TRIO: variants seen among roughly 807,000 people sequenced by gnomAD.
The protein encoded by TRIO is trio Rho guanine nucleotide exchange factor, also known as triple functional domain protein.
A neutral mutation model predicts 351.9 loss-of-function variants in TRIO; 58 were observed. The ratio of observed to expected loss-of-function variants is 0.16; its 90% confidence interval spans 0.13 to 0.21. The LOEUF is 0.21. Ranked by LOEUF, TRIO falls within the 10% of genes least tolerant of loss-of-function variation. The pLI, the probability that TRIO is intolerant of heterozygous loss-of-function variation, is 1.00. For missense variants in TRIO, 3,201 were observed against 4,027.8 expected (o/e 0.79, Z 5.56); for synonymous variants, 1,758 against 1,595.7 (o/e 1.10, Z -2.42).
intron 34 of TRIO, among the ~76,000 whole-genome samples, chr5:14,446,296 C>G (rs536478306): frequency 6.6e-6 from 1 of 152,160 alleles, no homozygotes; most frequent in South Asian, 2.1e-4. Context: ...ACTGGAGAGA[C>G]AGCGTTTGAA....
At chr5:14,303,631 G>A (rs572457361) in intron 7 of TRIO, among the ~76,000 whole-genome samples, 32 of 151,358 alleles carry the variant, frequency 2.1e-4, no homozygotes, top group Non-Finnish European at 4.0e-4. Context: ...TCCTGGAGAT[G>A]GAGGGTGGCA....
chr5:14,488,072 G>C lies in TRIO; in HGVS notation c.7444G>C (p.Gly2482Arg), dbSNP rs571329736. The C allele has an allele frequency of 1.1e-5, 17 of 1,610,162 alleles. No homozygotes were observed. The highest frequency in any genetic ancestry group is 4.0e-5 in the African/African-American group (3 of 74,982). Residue 2482 changes from glycine to arginine, a missense_variant, in exon 48 of 57, where the codon GGG becomes CGG. By Grantham distance (125) the Gly-to-Arg change is moderately radical. This residue lies in a region of TRIO where 1,089 missense variants were observed against 954.9 expected (regional missense o/e 1.14). Coordinates refer to ENST00000344204, the MANE Select transcript of TRIO (RefSeq NM_007118.4). ...CCCCCCCAGCAGCCCCCTGCAGAAG[G>C]GGGGCTCCTTCTGGAGCTCCATCCC... Reference protein sequence around the residue: ...PFPPSSPLQKGGSFWSSIPAS... With the variant: ...PFPPSSPLQKRGSFWSSIPAS...
intron 43 of TRIO, among the ~76,000 whole-genome samples, chr5:14,480,552 G>A (rs1280577064): frequency 6.6e-6 from 1 of 152,182 alleles, no homozygotes; most frequent in Non-Finnish European, 1.5e-5. Flanking sequence ...CCTTGATTGA[G>A]TTAAATTCTT....
intron 49 of TRIO, among the ~76,000 whole-genome samples, chr5:14,496,581 C>G (rs1056247142): frequency 6.6e-6 from 1 of 152,186 alleles, no homozygotes; most frequent in African/African-American, 2.4e-5. Flanking sequence ...ACAGGAATAC[C>G]CAGAATAATG....
chr5:14,496,229 A>G (rs570846402), intron 49 of TRIO, among the ~76,000 whole-genome samples: 22 of 152,334 alleles, frequency 1.4e-4, no homozygotes, highest in African/African-American at 5.3e-4. Context: ...CCAAAACTTG[A>G]TGTGGCTCAC....
intron 21 of TRIO, among the ~76,000 whole-genome samples, chr5:14,384,927 AAAG>A (rs149023294): frequency 0.016 from 2,462 of 152,374 alleles, 32 homozygotes; most frequent in Non-Finnish European, 0.027. Flanking sequence ...TAAGGAAAAA[AAAG>A]ACCAAGAAAA....
At chr5:14,277,382 G>A (rs1168634756) in intron 2 of TRIO, among the ~76,000 whole-genome samples, 1 of 152,210 alleles carries the variant, frequency 6.6e-6, no homozygotes, top group African/African-American at 2.4e-5. Context: ...ATTTGGATAA[G>A]CAGATAATCA....
In TRIO at chr5:14,472,482, G is replaced by T. The variant is rs565235051; in HGVS notation, c.5913-110G>T. ...ATTTAACACCTAAATGTACAAATTT[G>T]ATACATTACTATTCAGTCCTGGAAG... On this transcript the variant is annotated intron_variant, in intron 38 of 56. Transcript: ENST00000344204. 2.7e-5 allele frequency: 30 copies of T among 1,121,790 alleles called. No homozygotes were observed. In the South Asian group the frequency reaches 3.9e-4, roughly 15 times the overall value. 69.5% of individuals were successfully genotyped at this position (1,121,790 alleles called of 1,614,324 possible).
intron 1 of TRIO, among the ~76,000 whole-genome samples, chr5:14,163,172 C>A (rs1268664691): frequency 6.6e-6 from 1 of 152,270 alleles, no homozygotes; most frequent in South Asian, 2.1e-4. Flanking sequence ...CTTTGCCCCC[C>A]ATCCCTGGAC....
chr5:14,437,371 C>G (rs1751667990), intron 34 of TRIO, among the ~76,000 whole-genome samples: 1 of 152,146 alleles, frequency 6.6e-6, no homozygotes. Flanking sequence ...CCCCACCCAC[C>G]TCGGGGTGAT....
chr5:14,273,813 A>G (rs1305556501), intron 2 of TRIO, among the ~76,000 whole-genome samples: 1 of 152,198 alleles, frequency 6.6e-6, no homozygotes, highest in Non-Finnish European at 1.5e-5. Flanking sequence ...AGCCTTAGAA[A>G]ATCTCACACG....
chr5:14,481,839 C>CCAGTGTCT, intron 45 of TRIO: 1 of 502,104 alleles, frequency 2.0e-6, no homozygotes, highest in South Asian at 2.4e-5. Flanking sequence ...TGCTCAAAGC[C>CCAGTGTCT]CAGTGTCTCA....
At chr5:14,434,902 A>G (rs568520811) in intron 34 of TRIO, among the ~76,000 whole-genome samples, 2 of 152,324 alleles carry the variant, frequency 1.3e-5, no homozygotes, top group South Asian at 4.1e-4. Flanking sequence ...CTGTCATAAG[A>G]TGCCTCCCAA....
intron 1 of TRIO, among the ~76,000 whole-genome samples, chr5:14,203,039 G>T (rs991016621): frequency 6.6e-6 from 1 of 152,060 alleles, no homozygotes; most frequent in Non-Finnish European, 1.5e-5. Context: ...GATAAGTTTT[G>T]TGGTGGTTCG....
chr5:14,437,107 A>G (rs921656428), intron 34 of TRIO, among the ~76,000 whole-genome samples: 2 of 152,154 alleles, frequency 1.3e-5, no homozygotes, highest in Non-Finnish European at 2.9e-5. Context: ...TGATAGTAAG[A>G]CACTTGGATT....
chr5:14,507,209 G>C lies in TRIO; in HGVS notation c.8700G>C (p.Leu2900=). 6.2e-7 allele frequency: 1 copy of C among 1,612,038 alleles called. No individual in the cohort carries two copies. The highest frequency in any genetic ancestry group is 8.5e-7 in the Non-Finnish European group (1 of 1,179,882). The change falls in exon 56 of 57, where the codon CTG becomes CTC. Residue 2900 remains leucine (L), a synonymous_variant. Transcript: ENST00000344204. The stretch of plus-strand genomic sequence containing the variant: ...TCAGGGCGCACCTGGGGGAGGTTCT[G>C]GAAGCTGTCCGGTACCTGCACAACT... ...GKIRAHLGEV[L]EAVRYLHNCR...
At chr5:14,399,156 C>T in intron 30 of TRIO, 86 bp downstream of exon 30, 1 of 1,244,854 alleles carries the variant, frequency 8.0e-7, no homozygotes, top group Non-Finnish European at 1.2e-6. Context: ...TCATTGTCTT[C>T]AGTTTAACCT....
chr5:14,240,643 G>GTGA (rs773184090), intron 1 of TRIO, among the ~76,000 whole-genome samples: 5 of 152,216 alleles, frequency 3.3e-5, no homozygotes, highest in African/African-American at 4.8e-5. Flanking sequence ...TCCATGGGGT[G>GTGA]TGAGTCTGAC....
At chr5:14,320,949 C>T (rs1050410741) in intron 9 of TRIO, among the ~76,000 whole-genome samples, 2 of 152,198 alleles carry the variant, frequency 1.3e-5, no homozygotes, top group African/African-American at 4.8e-5. Context: ...GCGACCTCTT[C>T]TGTGGTGTCT....
Sources: allele counts gnomAD v4.1 joint callset (sites outside exome capture counted in the v4.1 genomes callset), GRCh38; gene constraint gnomAD v4.1.1; regional missense constraint gnomAD v4.1.1; transcripts MANE v1.5; gene names NCBI Gene and HGNC (gene_info 2026-07-23, HGNC 2026-07-21).